The following FBXL17 variants were observed in gnomAD, a reference collection of about 807,000 sequenced individuals.
FBXL17 encodes F-box/LRR-repeat protein 17.
Under a neutral mutation model 66.2 loss-of-function variants are expected in FBXL17, and 22 were observed. That is an observed-to-expected ratio of 0.33 (90% CI 0.24 to 0.47). The LOEUF is 0.47. FBXL17 is among the 20% of genes least tolerant of loss of function. The pLI, the probability that FBXL17 is intolerant of heterozygous loss-of-function variation, is 1.00. For synonymous variants in FBXL17, 474 were observed against 400.5 expected, an observed-to-expected ratio of 1.18 and a Z score of -2.19; for missense variants, 878 against 948.2, an observed-to-expected ratio of 0.93 and a Z score of 0.97.
rs143967183 is a variant in FBXL17 at position 108,190,685 on chromosome 5, T to C, written c.1615-4438A>G. Among the ~76,000 whole-genome samples the C allele has an allele frequency of 7.0e-3, 1,073 of 152,334 alleles. 21 individuals carry two copies. Among genetic ancestry groups the C allele is most frequent in the African/African-American group, 0.024 (996 of 41,570 alleles). On this transcript the variant is annotated intron_variant, in intron 5 of 8. Transcript: ENST00000542267. ...ACTGGTCAAGTTCTCTTGTTTTTGA[T>C]TGAGCAAAGATGAATTTGTATGTGT...
intron 7 of FBXL17, among the ~76,000 whole-genome samples, chr5:107,887,433 T>A (rs934188870): frequency 6.6e-6 from 1 of 152,206 alleles, no homozygotes; most frequent in Non-Finnish European, 1.5e-5. Context: ...TCCAGTTCTA[T>A]CTTCTGCTAT....
chr5:107,881,606 G>GTGAA (rs1427757227), intron 7 of FBXL17, among the ~76,000 whole-genome samples: 1 of 152,148 alleles, frequency 6.6e-6, no homozygotes, highest in Non-Finnish European at 1.5e-5. Flanking sequence ...TATACTGCAA[G>GTGAA]TGAATGTCTT....
At chr5:108,130,660 T>G (rs937333877) in intron 6 of FBXL17, among the ~76,000 whole-genome samples, 1 of 152,074 alleles carries the variant, frequency 6.6e-6, no homozygotes, top group Non-Finnish European at 1.5e-5. Context: ...AACTTCTAGG[T>G]TGATAGATGT....
chr5:108,381,225 C>A lies in FBXL17; in HGVS notation c.467G>T (p.Gly156Val), dbSNP rs1325414670. 6.9e-7 allele frequency: 1 copy of A among 1,445,374 alleles called. No homozygotes were observed. Among genetic ancestry groups the A allele is most frequent in the Non-Finnish European group, 9.1e-7 (1 of 1,101,026 alleles). The allele number at this position is 1,445,374 out of a possible 1,614,324, so 89.5% of individuals were successfully genotyped here. Reference protein sequence around the residue: ...LAAAAAWEQQGRSLFLASLGP... With the variant: ...LAAAAAWEQQVRSLFLASLGP... ...CAAGCTGGCCAGGAAGAGACTTCGG[C>A]CCTGCTGCTCCCAGGCGGCGGCCGC... The change falls in exon 1 of 9, where the codon GGC becomes GTC. Residue 156 changes from glycine (G) to valine (V), a missense_variant. Gly to Val is a moderately radical substitution (Grantham distance 109). This residue lies in a region of FBXL17 where 605 missense variants were observed against 509.5 expected (regional missense o/e 1.19). Coordinates refer to ENST00000542267, the MANE Select transcript of FBXL17 (RefSeq NM_001163315.3).
At chr5:108,240,846 C>T (rs771414494) in intron 4 of FBXL17, among the ~76,000 whole-genome samples, 2 of 152,148 alleles carry the variant, frequency 1.3e-5, no homozygotes, top group Non-Finnish European at 2.9e-5. Flanking sequence ...CCCAGCTCCA[C>T]GTAGCTCAGT....
At chr5:108,299,760 T>C in intron 4 of FBXL17, 7 of 984,904 alleles carry the variant, frequency 7.1e-6, no homozygotes, top group Non-Finnish European at 8.4e-6. Flanking sequence ...ATTGAAGCAG[T>C]GCATGTGAAA....
rs1580489386 is a variant in FBXL17 at position 108,133,398 on chromosome 5, C to A, written c.1745+52719G>T. Reference sequence around the variant, plus strand: ...AGTTTATGCATTTGAATTCTATGTGCCATGTTAGCCTTACTTATAAGCAGC... The same window carrying A: ...AGTTTATGCATTTGAATTCTATGTGACATGTTAGCCTTACTTATAAGCAGC... On this transcript the variant is annotated intron_variant, in intron 6 of 8. Transcript: ENST00000542267. Among the ~76,000 whole-genome samples, 4 of 152,084 alleles carry A rather than the reference C, an allele frequency of 2.6e-5. No individual in the cohort carries two copies. The South Asian group carries it at 6.2e-4, about 24-fold the overall frequency.
chr5:108,266,150 C>G (rs906789999), intron 4 of FBXL17, among the ~76,000 whole-genome samples: 2 of 151,944 alleles, frequency 1.3e-5, no homozygotes, highest in East Asian at 3.9e-4. Context: ...CTGGAAATCT[C>G]ATAATGCAAC....
chr5:108,260,578 C>G (rs1756772094), intron 4 of FBXL17, among the ~76,000 whole-genome samples: 1 of 152,098 alleles, frequency 6.6e-6, no homozygotes, highest in African/African-American at 2.4e-5. Flanking sequence ...AAGAAGAGAA[C>G]GGGTTCCTAT....
At chr5:107,966,614 A>G (rs779728907) in intron 7 of FBXL17, among the ~76,000 whole-genome samples, 10 of 152,154 alleles carry the variant, frequency 6.6e-5, no homozygotes, top group Non-Finnish European at 1.5e-4. Flanking sequence ...TCAACCTGGA[A>G]GCATTTTTGT....
At chr5:108,293,971 G>A (rs747348849) in intron 4 of FBXL17, among the ~76,000 whole-genome samples, 8 of 148,926 alleles carry the variant, frequency 5.4e-5, no homozygotes, top group African/African-American at 7.5e-5. Context: ...AACCCAGGAG[G>A]CGGAGGCTGC....
At chr5:107,934,902 C>A (rs1750848332) in intron 7 of FBXL17, among the ~76,000 whole-genome samples, 1 of 152,068 alleles carries the variant, frequency 6.6e-6, no homozygotes, top group Non-Finnish European at 1.5e-5. Flanking sequence ...ATGTAGGTGA[C>A]AATCGCTGGC....
At chr5:108,215,924 C>A (rs934538805) in intron 5 of FBXL17, among the ~76,000 whole-genome samples, 5 of 151,522 alleles carry the variant, frequency 3.3e-5, no homozygotes, top group African/African-American at 9.7e-5. Flanking sequence ...ATACGGATAT[C>A]CAGATATCCT....
chr5:108,044,752 A>G (rs1747184911), intron 6 of FBXL17, among the ~76,000 whole-genome samples: 1 of 152,138 alleles, frequency 6.6e-6, no homozygotes, highest in Admixed American at 6.5e-5. Flanking sequence ...CTCCAGTGAA[A>G]CTATGTGGAC....
chr5:107,924,070 T>G (rs796443367), intron 7 of FBXL17, among the ~76,000 whole-genome samples: 21,385 of 149,086 alleles, frequency 0.14, 2,071 homozygotes, highest in Non-Finnish European at 0.21. Flanking sequence ...GTTTTTTTTT[T>G]TTTTTTTTTT....
chr5:108,326,501 G>A lies in FBXL17; in HGVS notation c.1506+21898C>T, dbSNP rs530597295. ...GCCTGTAATCCCAGCTACTCAGGAG[G>A]CTGAGGCAGGAGAATCGCTTAAACT... On this transcript the variant is annotated intron_variant, in intron 4 of 8. Coordinates refer to ENST00000542267, the MANE Select transcript of FBXL17 (RefSeq NM_001163315.3). 9.9e-5 allele frequency among the ~76,000 whole-genome samples: 15 copies of A among 152,172 alleles called. No individual in the cohort carries two copies. In the East Asian group the frequency reaches 2.5e-3, roughly 26 times the overall value.
intron 7 of FBXL17, among the ~76,000 whole-genome samples, chr5:107,974,143 T>C (rs1201911404): frequency 6.6e-6 from 1 of 152,174 alleles, no homozygotes; most frequent in African/African-American, 2.4e-5. Flanking sequence ...AAAAGATCAG[T>C]AATCTAATAG....
In FBXL17 at chr5:107,905,570, A is replaced by G. The variant is rs540185231; in HGVS notation, c.1823-24391T>C. 5.8e-4 allele frequency among the ~76,000 whole-genome samples: 88 copies of G among 152,302 alleles called. No individual in the cohort carries two copies. In the South Asian group the frequency reaches 9.1e-3, roughly 16 times the overall value. On this transcript the variant is annotated intron_variant, in intron 7 of 8. Coordinates refer to ENST00000542267, the MANE Select transcript of FBXL17 (RefSeq NM_001163315.3). ...ATTGTGAAAAATGACTCTTCAAAAT[A>G]CATCAAATACACTCAATTACAGACA...
At chr5:108,355,382 A>G (rs4438862) in intron 3 of FBXL17, among the ~76,000 whole-genome samples, 129,794 of 151,598 alleles carry the variant, frequency 0.86, 55,867 homozygotes, top group African/African-American at 0.95. Context: ...TCCGCCTCCC[A>G]GGTTCAAGCA....
Sources: allele counts gnomAD v4.1 joint callset (sites outside exome capture counted in the v4.1 genomes callset), GRCh38; gene constraint gnomAD v4.1.1; regional missense constraint gnomAD v4.1.1; transcripts MANE v1.5; gene names NCBI Gene and HGNC (gene_info 2026-07-23, HGNC 2026-07-21).